IQCB1: variants seen among roughly 807,000 people sequenced by gnomAD.
IQCB1 encodes IQ calmodulin-binding motif-containing protein 1.
In IQCB1, 56 loss-of-function variants were observed where a neutral mutation model predicts 84.4. That is an observed-to-expected ratio of 0.66 (90% CI 0.54 to 0.83). IQCB1 has a LOEUF of 0.83. Ranked by LOEUF, IQCB1 falls within the 40% of genes least tolerant of loss-of-function variation. IQCB1 has a pLI of 0.00. For missense variants in IQCB1, 629 were observed against 682.1 expected (o/e 0.92, Z 0.87); for synonymous variants, 210 against 234.8 (o/e 0.89, Z 0.96).
chr3:121,829,695 C>T (rs1234002495), intron 2 of IQCB1, among the ~76,000 whole-genome samples: 2 of 152,182 alleles, frequency 1.3e-5, no homozygotes, highest in Non-Finnish European at 2.9e-5. Context: ...TACGTAACTC[C>T]ACTGGGAGAG....
chr3:121,831,203 A>C (rs1950625557), intron 2 of IQCB1, among the ~76,000 whole-genome samples: 4 of 114,824 alleles, frequency 3.5e-5, no homozygotes, highest in African/African-American at 7.4e-5. Context: ...ACAGGATCTC[A>C]CTCCTGTTGC....
At chr3:121,804,727 C>T (rs997692490) in intron 7 of IQCB1, among the ~76,000 whole-genome samples, 9 of 152,052 alleles carry the variant, frequency 5.9e-5, no homozygotes, top group Admixed American at 2.0e-4. Flanking sequence ...CAGGGTTTGA[C>T]GACCTTTTTG....
At chr3:121,797,272 AAT>A (rs770114383) in intron 8 of IQCB1, 45 bp from the exon 9 acceptor site, 1 of 889,460 alleles carries the variant, frequency 1.1e-6, no homozygotes, top group East Asian at 2.7e-5. Context: ...ATAATAATAA[AAT>A]ATGATTTTGT....
chr3:121,775,870 C>T (rs1948203871), intron 13 of IQCB1, among the ~76,000 whole-genome samples: 1 of 152,098 alleles, frequency 6.6e-6, no homozygotes. Flanking sequence ...TTTGTAAACC[C>T]TTATCCTCAT....
chr3:121,775,504 T>C (rs1036149965), intron 13 of IQCB1, among the ~76,000 whole-genome samples: 3 of 152,092 alleles, frequency 2.0e-5, no homozygotes, highest in Non-Finnish European at 2.9e-5. Context: ...GGGATAGCAT[T>C]AGGAGAAAAA....
At chr3:121,780,882 G>GAA (rs386356273) in intron 13 of IQCB1, among the ~76,000 whole-genome samples, 1 of 141,034 alleles carries the variant, frequency 7.1e-6, no homozygotes, top group Non-Finnish European at 1.5e-5. Flanking sequence ...GTGTGTGTGT[G>GAA]TGAGAGAGAG....
At chr3:121,787,077 T>C (rs6783659) in intron 12 of IQCB1, among the ~76,000 whole-genome samples, 97,857 of 151,950 alleles carry the variant, frequency 0.64, 31,971 homozygotes, top group African/African-American at 0.71. Context: ...TGGTGCAGGA[T>C]TGTTTGTTGC....
chr3:121,781,980 C>T, intron 12 of IQCB1, 106 bp from the exon 13 acceptor site: 1 of 1,143,980 alleles, frequency 8.7e-7, no homozygotes, highest in Non-Finnish European at 1.3e-6. Context: ...ATGATTAACT[C>T]TGAGTGTGTA....
rs574995935 is a variant in IQCB1, at chr3:121,816,019, A to C, written c.394-7010T>G. On this transcript the variant is annotated intron_variant, in intron 5 of 14. Transcript: ENST00000310864. ...GAGGCATCATGCTACCTGACTTCAA[A>C]CTATACAAGGCTACAATAACCAAAA... Among the ~76,000 whole-genome samples, 3 of 152,204 alleles carry C rather than the reference A, an allele frequency of 2.0e-5. No individual in the cohort carries two copies. In the East Asian group the frequency reaches 5.8e-4, roughly 29 times the overall value.
intron 5 of IQCB1, 148 bp from the exon 6 acceptor site, chr3:121,809,157 G>T: frequency 1.7e-6 from 1 of 601,096 alleles, no homozygotes. Flanking sequence ...GTTGCCTTTA[G>T]TTTCTTAATT....
chr3:121,781,668 A>AT (rs1948500421), intron 13 of IQCB1, 75 bp downstream of exon 13: 3 of 1,130,154 alleles, frequency 2.7e-6, no homozygotes, highest in South Asian at 1.2e-5. Flanking sequence ...CACACAATAT[A>AT]TGTGTGTGTG....
At chr3:121,826,319 A>C in intron 4 of IQCB1, 139 bp from the exon 5 acceptor site, 1 of 835,092 alleles carries the variant, frequency 1.2e-6, no homozygotes, top group Non-Finnish European at 1.9e-6. Context: ...TTGAAAAATT[A>C]GTCTAACAAC....
chr3:121,830,400 TAA>T (rs1268423125), intron 2 of IQCB1, among the ~76,000 whole-genome samples: 1 of 143,952 alleles, frequency 6.9e-6, no homozygotes, highest in African/African-American at 2.5e-5. Flanking sequence ...ACCCTGTCTC[TAA>T]AAAAAAAAAG....
At chr3:121,825,951 T>G in intron 5 of IQCB1, 100 bp downstream of exon 5, 1 of 1,132,100 alleles carries the variant, frequency 8.8e-7, no homozygotes, top group Non-Finnish European at 1.3e-6. Flanking sequence ...TTCACTACTT[T>G]AATTGTACTT....
rs1429689819 is a variant in IQCB1, at chr3:121,831,279, T to TC, written c.-12-2308dup. 2.0e-5 allele frequency among the ~76,000 whole-genome samples: 3 copies of TC among 151,102 alleles called. No homozygotes were observed. In the Admixed American group the frequency reaches 2.0e-4, roughly 10 times the overall value. ...CCTAGACTTCTCAGGTTCAGGTGATTCTCCCACCTCAGCCTCCCAAGTAGC... is the reference window on the plus strand; with the variant it reads ...CCTAGACTTCTCAGGTTCAGGTGATTCCTCCCACCTCAGCCTCCCAAGTAGC... On this transcript the variant is annotated intron_variant, in intron 2 of 14. Transcript: ENST00000310864.
chr3:121,799,284 T>C lies in IQCB1; in HGVS notation c.678A>G (p.Ile226Met), dbSNP rs374171721. 4.6e-5 allele frequency: 74 copies of C among 1,608,958 alleles called. No individual in the cohort carries two copies. Among genetic ancestry groups the C allele is most frequent in the Non-Finnish European group, 6.0e-5 (71 of 1,176,390 alleles). Reference protein sequence around the residue: ...FKLFSTPSPVIRSTATKLLLL... With the variant: ...FKLFSTPSPVMRSTATKLLLL... Reference sequence around the variant, plus strand: ...GTAGGAGTTTTGTAGCAGTACTTCTTATAACTGGACTAGGAGTTGAAAAAA... The same window carrying C: ...GTAGGAGTTTTGTAGCAGTACTTCTCATAACTGGACTAGGAGTTGAAAAAA... The change falls in exon 8 of 15, where the codon ATA becomes ATG. Residue 226 changes from isoleucine (I) to methionine (M), a missense_variant. Coordinates refer to ENST00000310864, the MANE Select transcript of IQCB1 (RefSeq NM_001023570.4).
chr3:121,820,921 C>CAAAA (rs11378349), intron 5 of IQCB1, among the ~76,000 whole-genome samples: 1 of 146,812 alleles, frequency 6.8e-6, no homozygotes, highest in Non-Finnish European at 1.5e-5. Context: ...TATGTCTCCT[C>CAAAA]AAAAAAAAAA....
intron 5 of IQCB1, among the ~76,000 whole-genome samples, chr3:121,819,250 G>T (rs1950185009): frequency 6.6e-6 from 1 of 152,204 alleles, no homozygotes; most frequent in Non-Finnish European, 1.5e-5. Context: ...ATGGGAGACA[G>T]TGACAAATCA....
At position 121,835,044 on chromosome 3, in the gene IQCB1, A is replaced by C; in HGVS notation, c.-180T>G. 5.3e-6 allele frequency: 3 copies of C among 567,986 alleles called. No individual in the cohort carries two copies. The highest frequency in any genetic ancestry group is 6.3e-6 in the Non-Finnish European group (2 of 316,312). 35.2% of individuals were successfully genotyped at this position (567,986 alleles called of 1,614,324 possible). On this transcript the variant is annotated 5_prime_UTR_variant, in exon 1 of 15. Coordinates refer to ENST00000310864, the MANE Select transcript of IQCB1 (RefSeq NM_001023570.4). ...CTACAGCGCCGCGGCCTTCCGGGGC[A>C]GCGTGCGTCGCGACGCGGGAAGGGG...
Sources: gnomAD v4.1 joint callset for allele counts (sites outside exome capture counted in the v4.1 genomes callset) on GRCh38, gnomAD v4.1.1 for gene constraint, MANE v1.5 for transcripts, NCBI Gene and HGNC (gene_info 2026-07-23, HGNC 2026-07-21) for gene names.